The following PCSK2 variants were observed in gnomAD, a reference collection of about 807,000 sequenced individuals.
PCSK2 encodes the protein neuroendocrine convertase 2.
Under a neutral mutation model 69.7 loss-of-function variants are expected in PCSK2, and 14 were observed. The ratio of observed to expected loss-of-function variants is 0.20; its 90% CI spans 0.13 to 0.31. The LOEUF (loss-of-function observed/expected upper bound fraction) is 0.31. Ranked by LOEUF, PCSK2 falls within the 10% of genes least tolerant of loss-of-function variation. The pLI, the probability that PCSK2 is intolerant of heterozygous loss-of-function variation, is 1.00. For synonymous variants in PCSK2, 307 were observed against 320.7 expected (o/e 0.96, Z 0.46); for missense variants, 544 against 842.5 (o/e 0.65, Z 4.39).
At chr20:17,433,649 C>T (rs1460802565) in intron 7 of PCSK2, among the ~76,000 whole-genome samples, 2 of 152,226 alleles carry the variant, frequency 1.3e-5, no homozygotes, top group South Asian at 4.1e-4. Context: ...GTCACCTCTA[C>T]TCATTAATGT....
At chr20:17,436,967 C>T in intron 8 of PCSK2, 84 bp downstream of exon 8, 1 of 1,181,464 alleles carries the variant, frequency 8.5e-7, no homozygotes, top group Non-Finnish European at 1.2e-6. Flanking sequence ...GGGTGAACCA[C>T]TGTCACCCTG....
chr20:17,343,414 C>T (rs1443404246), intron 2 of PCSK2, among the ~76,000 whole-genome samples: 2 of 152,174 alleles, frequency 1.3e-5, no homozygotes, highest in African/African-American at 2.4e-5. Context: ...TCACTATCTG[C>T]CAGCCATGAA....
chr20:17,473,368 G>C (rs546802111), intron 11 of PCSK2, among the ~76,000 whole-genome samples: 1 of 152,240 alleles, frequency 6.6e-6, no homozygotes, highest in East Asian at 1.9e-4. Context: ...TGGGATTACA[G>C]GCGTGAGCCT....
intron 6 of PCSK2, among the ~76,000 whole-genome samples, chr20:17,418,901 T>C (rs1013515650): frequency 6.6e-6 from 1 of 152,174 alleles, no homozygotes; most frequent in African/African-American, 2.4e-5. Flanking sequence ...TATTAACTAT[T>C]CCAGCCACAC....
chr20:17,474,984 T>C (rs1408071652), intron 11 of PCSK2, among the ~76,000 whole-genome samples: 1 of 151,820 alleles, frequency 6.6e-6, no homozygotes. Flanking sequence ...ATAACACCTG[T>C]TTTAGGTTGG....
intron 2 of PCSK2, among the ~76,000 whole-genome samples, chr20:17,346,873 T>A (rs1000820927): frequency 1.3e-5 from 2 of 152,172 alleles, no homozygotes; most frequent in African/African-American, 4.8e-5. Flanking sequence ...AAGCTGAGAT[T>A]TCACTTTCTC....
At chr20:17,417,531 A>G (rs1465283637) in intron 6 of PCSK2, among the ~76,000 whole-genome samples, 1 of 152,228 alleles carries the variant, frequency 6.6e-6, no homozygotes, top group Non-Finnish European at 1.5e-5. Flanking sequence ...GGATGATGCC[A>G]CCACTCAAAT....
At chr20:17,296,163 C>T (rs940959559) in intron 2 of PCSK2, among the ~76,000 whole-genome samples, 1 of 152,194 alleles carries the variant, frequency 6.6e-6, no homozygotes, top group Non-Finnish European at 1.5e-5. Context: ...AGCAAGACAG[C>T]CTAAGCAAAG....
intron 5 of PCSK2, among the ~76,000 whole-genome samples, chr20:17,391,619 C>T (rs2031376058): frequency 6.6e-6 from 1 of 152,152 alleles, no homozygotes; most frequent in Non-Finnish European, 1.5e-5. Flanking sequence ...TGGGCTAGTG[C>T]TGGGAAAAGG....
intron 2 of PCSK2, among the ~76,000 whole-genome samples, chr20:17,329,572 A>G (rs1292603963): frequency 6.6e-6 from 1 of 152,224 alleles, no homozygotes; most frequent in Non-Finnish European, 1.5e-5. Context: ...AGTGCATATA[A>G]TGTTCCAAAA....
intron 5 of PCSK2, among the ~76,000 whole-genome samples, chr20:17,392,555 A>T (rs1221364234): frequency 6.6e-6 from 1 of 152,202 alleles, no homozygotes; most frequent in Non-Finnish European, 1.5e-5. Flanking sequence ...AAGAGGCAGA[A>T]CATCCCCATC....
At chr20:17,451,158 T>C (rs900975702) in intron 8 of PCSK2, among the ~76,000 whole-genome samples, 1 of 152,244 alleles carries the variant, frequency 6.6e-6, no homozygotes, top group African/African-American at 2.4e-5. Context: ...CGAAGCATTC[T>C]TGTGGGCAAG....
At chr20:17,433,817 C>CCCCA (rs2032422159) in intron 7 of PCSK2, among the ~76,000 whole-genome samples, 1 of 116,194 alleles carries the variant, frequency 8.6e-6, no homozygotes, top group Non-Finnish European at 1.8e-5. Context: ...CTCTCTCCCC[C>CCCCA]CACTTCCTTC....
chr20:17,277,252 C>T (rs1199505678), intron 2 of PCSK2, among the ~76,000 whole-genome samples: 2 of 152,162 alleles, frequency 1.3e-5, no homozygotes, highest in East Asian at 1.9e-4. Context: ...AAAGAGCCTG[C>T]ATTGCCAAGT....
intron 2 of PCSK2, among the ~76,000 whole-genome samples, chr20:17,334,127 T>C (rs897525170): frequency 1.6e-4 from 24 of 151,948 alleles, no homozygotes; most frequent in African/African-American, 5.8e-4. Flanking sequence ...TCTCCCAGCA[T>C]ACTCTCCAGA....
intron 2 of PCSK2, among the ~76,000 whole-genome samples, chr20:17,318,641 C>T (rs1989765383): frequency 6.6e-6 from 1 of 152,198 alleles, no homozygotes; most frequent in Non-Finnish European, 1.5e-5. Context: ...TCCAAAACCA[C>T]TTGTGGCTGG....
At chr20:17,436,395 C>T (rs1047971832) in intron 7 of PCSK2, among the ~76,000 whole-genome samples, 2 of 152,214 alleles carry the variant, frequency 1.3e-5, no homozygotes, top group African/African-American at 2.4e-5. Flanking sequence ...GGCCAAGCTT[C>T]TACTTAGAAA....
intron 8 of PCSK2, among the ~76,000 whole-genome samples, chr20:17,448,571 T>A (rs2032742952): frequency 6.6e-6 from 1 of 152,142 alleles, no homozygotes; most frequent in Non-Finnish European, 1.5e-5. Context: ...ATGGACATTC[T>A]GGGCAAAATA....
rs149151266 is a variant in PCSK2, at chr20:17,453,945, C to T, written c.1089C>T (p.Pro363=). The change falls in exon 9 of 12, where the codon CCC becomes CCT. Residue 363 remains proline, a synonymous_variant. Transcript: ENST00000262545. The surrounding 1 kb of genome is among the most constrained non-coding windows in gnomAD (Gnocchi z 4.0). Reference sequence around the variant, plus strand: ...TCAGCAACGGGAGGAAAAGGAACCCCGAGGCCGGTGTGGTGAGCACGTCCC... The same window carrying T: ...TCAGCAACGGGAGGAAAAGGAACCCTGAGGCCGGTGTGGTGAGCACGTCCC... The part of the protein sequence containing the change: ...STFSNGRKRN[P]EAGVATTDLY... The T allele has an allele frequency of 1.8e-5, 29 of 1,614,204 alleles. No individual in the cohort carries two copies. Among genetic ancestry groups the T allele is most frequent in the Admixed American group, 1.0e-4 (6 of 60,026 alleles).
Sources: gnomAD v4.1 joint callset for allele counts (sites outside exome capture counted in the v4.1 genomes callset) on GRCh38, gnomAD v4.1.1 for gene constraint, Gnocchi (gnomAD v3.1) non-coding constraint, MANE v1.5 for transcripts, NCBI Gene and HGNC (gene_info 2026-07-23, HGNC 2026-07-21) for gene names.